Variants in SLC2A9 observed in about 807,000 individuals in gnomAD.
The protein encoded by SLC2A9 is solute carrier family 2, facilitated glucose transporter member 9.
Under a neutral mutation model 50.6 loss-of-function variants are expected in SLC2A9, and 39 were observed. That is an observed-to-expected ratio of 0.77 (90% CI 0.60 to 1.01). The LOEUF is 1.01. Ranked by LOEUF, SLC2A9 falls within the 50% of genes least tolerant of loss-of-function variation. The pLI, the probability that SLC2A9 is intolerant of heterozygous loss-of-function variation, is 0.00. For synonymous variants in SLC2A9, 324 were observed against 276.9 expected (o/e 1.17, Z -1.69); for missense variants, 686 against 677.6 (o/e 1.01, Z -0.14).
intron 11 of SLC2A9, among the ~76,000 whole-genome samples, chr4:9,833,877 G>A (rs1726596370): frequency 6.6e-6 from 1 of 152,212 alleles, no homozygotes; most frequent in Non-Finnish European, 1.5e-5. Flanking sequence ...GGGAGCCCTG[G>A]TGGGCATTTG....
chr4:9,813,592 A>C (rs1187976154), intron 3 of SLC2A9, among the ~76,000 whole-genome samples: 2 of 152,320 alleles, frequency 1.3e-5, no homozygotes, highest in Non-Finnish European at 1.5e-5. Context: ...GAAAAGTGGA[A>C]CCCTAAGAAA....
chr4:9,776,046 C>T (rs1717520548), downstream of SLC2A9, among the ~76,000 whole-genome samples: 1 of 152,128 alleles, frequency 6.6e-6, no homozygotes, highest in African/African-American at 2.4e-5. Context: ...GCTCCCTAGC[C>T]TCCACTTGAC....
chr4:9,887,612 TA>T lies in SLC2A9; in HGVS notation c.1245del (p.Ser415ArgfsTer23). The part of the protein sequence containing the change: ...QDHAPWVPYL[S>X]IVGILAIIAS... ...GCGATGATGGCCAGAATGCCCACGA[TA>T]CTCAGGTAGGGGACCCAGGGGGCGT... On this transcript the variant is annotated frameshift_variant, in exon 10 of 12. Transcript: ENST00000264784. LOFTEE classifies it high-confidence loss of function. The T allele has an allele frequency of 1.3e-6, 2 of 1,566,282 alleles. No individual in the cohort carries two copies. The highest frequency in any genetic ancestry group is 1.7e-6 in the Non-Finnish European group (2 of 1,154,918).
chr4:9,783,286 C>T, intron 3 of SLC2A9: 3 of 1,614,214 alleles, frequency 1.9e-6, no homozygotes, highest in Non-Finnish European at 2.5e-6. Flanking sequence ...ACGCCGTTAC[C>T]CCCGGCAACC....
chr4:9,833,014 A>G (rs1350712155), intron 11 of SLC2A9, among the ~76,000 whole-genome samples: 4 of 152,180 alleles, frequency 2.6e-5, no homozygotes, highest in Non-Finnish European at 5.9e-5. Context: ...TTCTCTACTT[A>G]ATTTATAAAT....
chr4:9,831,042 C>T (rs1017759578), intron 11 of SLC2A9, among the ~76,000 whole-genome samples: 5 of 152,182 alleles, frequency 3.3e-5, no homozygotes, highest in Non-Finnish European at 7.3e-5. Flanking sequence ...GTGATTCGTG[C>T]CGTTGTCTGT....
chr4:9,868,875 G>C (rs1320591990), intron 10 of SLC2A9, among the ~76,000 whole-genome samples: 1 of 152,086 alleles, frequency 6.6e-6, no homozygotes, highest in East Asian at 1.9e-4. Flanking sequence ...GAGGTTCCCA[G>C]GGGGAGAACA....
At chr4:9,860,955 A>G (rs1304635540) in intron 10 of SLC2A9, among the ~76,000 whole-genome samples, 2 of 152,114 alleles carry the variant, frequency 1.3e-5, no homozygotes, top group Non-Finnish European at 2.9e-5. Context: ...TCTCTGCTCC[A>G]TGATCAACTC....
At chr4:9,999,640 G>A (rs1343115479) in intron 2 of SLC2A9, among the ~76,000 whole-genome samples, 2 of 152,182 alleles carry the variant, frequency 1.3e-5, no homozygotes, top group Non-Finnish European at 2.9e-5. Flanking sequence ...GGAGGGGCAA[G>A]AAAGGGCAGG....
intron 9 of SLC2A9, among the ~76,000 whole-genome samples, chr4:9,888,248 C>G (rs1026254058): frequency 2.1e-5 from 3 of 145,554 alleles, no homozygotes; most frequent in Non-Finnish European, 4.4e-5. Context: ...GCACATGTAT[C>G]CCAGAACTTA....
chr4:9,951,865 C>A (rs895602813), intron 5 of SLC2A9, among the ~76,000 whole-genome samples: 3 of 152,214 alleles, frequency 2.0e-5, no homozygotes, highest in Non-Finnish European at 4.4e-5. Context: ...ACAAAAGATT[C>A]ATTTAATGTT....
At chr4:9,814,742 G>A (rs1723345572) in intron 3 of SLC2A9, among the ~76,000 whole-genome samples, 1 of 152,110 alleles carries the variant, frequency 6.6e-6, no homozygotes, top group African/African-American at 2.4e-5. Context: ...CATTCTGAGA[G>A]AAAGCGCTAG....
chr4:9,864,373 G>A (rs1732116726), intron 10 of SLC2A9, among the ~76,000 whole-genome samples: 1 of 152,220 alleles, frequency 6.6e-6, no homozygotes, highest in Non-Finnish European at 1.5e-5. Flanking sequence ...CTGTAGAGCT[G>A]GAGGGGAGCT....
chr4:9,958,048 T>G (rs770889985), intron 5 of SLC2A9, among the ~76,000 whole-genome samples: 10 of 152,122 alleles, frequency 6.6e-5, no homozygotes, highest in Non-Finnish European at 1.3e-4. Flanking sequence ...AGTTCACATA[T>G]AAGTGATCAA....
rs149377880 is a variant in SLC2A9, at chr4:9,832,491, G to T, written c.1419+2390C>A. On this transcript the variant is annotated intron_variant, in intron 11 of 11. Transcript: ENST00000264784. ...CCAGCCTGGCTGTTCCTGCTCCGAT[G>T]AAGGTTCATCAATAGTCACACCTGC... Among the ~76,000 whole-genome samples the T allele has an allele frequency of 9.2e-5, 14 of 152,276 alleles. No homozygotes were observed. The East Asian group carries it at 1.4e-3, about 15-fold the overall frequency.
In SLC2A9 at chr4:9,846,634, G is replaced by A. The variant is rs111355714; in HGVS notation, c.1292-11626C>T. Among the ~76,000 whole-genome samples the A allele has an allele frequency of 3.0e-3, 452 of 152,236 alleles. 1 individual carries two copies. The highest frequency in any genetic ancestry group is 0.01 in the African/African-American group (423 of 41,514). ...AGCTATTTAAAATCTCAGTAAAGTC[G>A]AAACCTTGATAGTGCTTACTTGGCA... is the stretch of plus-strand genomic sequence containing the variant. On this transcript the variant is annotated intron_variant, in intron 10 of 11. Coordinates refer to ENST00000264784, the MANE Select transcript of SLC2A9 (RefSeq NM_020041.3).
chr4:10,027,373 C>T (rs1334686862), intron 1 of SLC2A9, among the ~76,000 whole-genome samples: 1 of 152,118 alleles, frequency 6.6e-6, no homozygotes, highest in Admixed American at 6.5e-5. Flanking sequence ...TCTTTGATCC[C>T]GTCGCCTCCT....
At chr4:9,976,282 C>A (rs889378890) in intron 5 of SLC2A9, among the ~76,000 whole-genome samples, 1 of 152,168 alleles carries the variant, frequency 6.6e-6, no homozygotes, top group African/African-American at 2.4e-5. Context: ...AAATAAATAG[C>A]TACCTTCTTG....
At chr4:10,007,006 A>G (rs943309763) in intron 2 of SLC2A9, among the ~76,000 whole-genome samples, 3 of 151,966 alleles carry the variant, frequency 2.0e-5, no homozygotes, top group African/African-American at 7.3e-5. Context: ...AGGCTCTGCT[A>G]GAAGAGTTCT....
Sources: allele counts gnomAD v4.1 joint callset (sites outside exome capture counted in the v4.1 genomes callset), GRCh38; gene constraint gnomAD v4.1.1; transcripts MANE v1.5; gene names NCBI Gene and HGNC (gene_info 2026-07-23, HGNC 2026-07-21).